SMAD7: variants seen among roughly 807,000 people sequenced by gnomAD.
The protein encoded by SMAD7 is MAD (mothers against decapentaplegic, Drosophila) homolog 7.
In SMAD7, 8 loss-of-function variants were observed where a neutral mutation model predicts 38.7. The ratio of observed to expected loss-of-function variants is 0.21; its 90% CI spans 0.12 to 0.37. The LOEUF (loss-of-function observed/expected upper bound fraction) is 0.37. SMAD7 is among the 10% of genes least tolerant of loss of function. SMAD7 has a pLI of 1.00. For missense variants in SMAD7, 477 were observed against 577.9 expected, an observed-to-expected ratio of 0.83 and a Z score of 1.79; for synonymous variants, 327 against 265.1, an observed-to-expected ratio of 1.23 and a Z score of -2.27.
intron 3 of SMAD7, among the ~76,000 whole-genome samples, chr18:48,922,864 TAC>T (rs1380607657): frequency 1.3e-5 from 2 of 152,120 alleles, no homozygotes; most frequent in African/African-American, 2.4e-5. Context: ...CCCGCTTCCC[TAC>T]ACAGTCTTCC....
intron 2 of SMAD7, among the ~76,000 whole-genome samples, chr18:48,945,645 G>A (rs868542344): frequency 1.3e-5 from 2 of 152,154 alleles, no homozygotes; most frequent in Admixed American, 1.3e-4. Context: ...AGAGAGAAAC[G>A]CAGTGCCAGA....
intron 3 of SMAD7, among the ~76,000 whole-genome samples, chr18:48,929,569 T>TCACACACACACA (rs1555716118): frequency 1.7e-3 from 195 of 114,616 alleles, no homozygotes; most frequent in Non-Finnish European, 2.5e-3. Flanking sequence ...TCTCTCTCTC[T>TCACACACACACA]CACTCACACA....
At chr18:48,945,030 T>G (rs973226783) in intron 2 of SMAD7, among the ~76,000 whole-genome samples, 6 of 152,166 alleles carry the variant, frequency 3.9e-5, no homozygotes, top group Non-Finnish European at 7.4e-5. Flanking sequence ...CCCACGATAG[T>G]CTCAGCAACT....
At chr18:48,922,736 C>T (rs935781574) in intron 3 of SMAD7, among the ~76,000 whole-genome samples, 6 of 152,054 alleles carry the variant, frequency 3.9e-5, no homozygotes, top group African/African-American at 1.2e-4. Context: ...CCCCTTCTCC[C>T]CTTCTCTGCC....
At chr18:48,942,413 A>G in intron 3 of SMAD7, 68 bp downstream of exon 3, 1 of 1,121,702 alleles carries the variant, frequency 8.9e-7, no homozygotes, top group Non-Finnish European at 1.3e-6. Context: ...GGCCACCCCC[A>G]TTCCTCCAGT....
Position 48,920,072 on chromosome 18 carries a change from G to A in SMAD7, c.*1300C>T, listed in dbSNP as rs780905443. 2.0e-5 allele frequency: 3 copies of A among 151,948 alleles called. No individual in the cohort carries two copies. The highest frequency in any genetic ancestry group is 4.8e-5 in the African/African-American group (2 of 41,244). 9.4% of individuals were successfully genotyped at this position (151,948 alleles called of 1,614,324 possible). On this transcript the variant is annotated 3_prime_UTR_variant, in exon 4 of 4. Transcript: ENST00000262158. ...ACATAAATAATGATGCTTATAAAAC[G>A]TCTTTATATTTACAAGTAATAATAT... is the stretch of plus-strand genomic sequence containing the variant.
At chr18:48,942,685 T>C (rs746218651) in intron 2 of SMAD7, 130 bp from the exon 3 acceptor site, 1 of 1,554,812 alleles carries the variant, frequency 6.4e-7, no homozygotes, top group South Asian at 1.2e-5. Context: ...GCGGCCTTGA[T>C]GCTGATTATT....
In SMAD7 at chr18:48,950,405, G is replaced by A; in HGVS notation, c.20C>T (p.Ser7Phe). The change falls in exon 1 of 4, where the codon TCT becomes TTT. Residue 7 changes from serine (S) to phenylalanine (F), a missense_variant. By Grantham distance (155) the Ser-to-Phe change is radical. Transcript: ENST00000262158. ...CCTCCAGAGACGCCGGACGAGCGCA[G>A]ATCGTTTGGTCCTGAACATGCGGGG... is the stretch of plus-strand genomic sequence containing the variant. MFRTKRSALVRRLWRSR... is the reference protein window; with the variant it reads MFRTKRFALVRRLWRSR... The A allele has an allele frequency of 6.4e-7, 1 of 1,552,288 alleles. No homozygotes were observed. The highest frequency in any genetic ancestry group is 2.5e-5 in the East Asian group (1 of 39,468).
intron 3 of SMAD7, among the ~76,000 whole-genome samples, chr18:48,927,276 T>TGG (rs1342513550): frequency 6.6e-6 from 1 of 151,646 alleles, no homozygotes; most frequent in Non-Finnish European, 1.5e-5. Context: ...AGACGATGAA[T>TGG]CCTGGCTGGT....
intron 2 of SMAD7, among the ~76,000 whole-genome samples, chr18:48,946,385 C>T (rs1268350591): frequency 6.6e-6 from 1 of 151,732 alleles, no homozygotes; most frequent in African/African-American, 2.4e-5. Context: ...TCAATGCCCC[C>T]GGCCACAGCA....
intron 3 of SMAD7, among the ~76,000 whole-genome samples, chr18:48,924,278 G>A (rs1409843189): frequency 6.6e-6 from 1 of 152,166 alleles, no homozygotes; most frequent in South Asian, 2.1e-4. Context: ...CATGCAGCCA[G>A]GACCCACTGA....
Position 48,923,903 on chromosome 18 carries a change from C to T in SMAD7, c.743-1993G>A, listed in dbSNP as rs115189714. On this transcript the variant is annotated intron_variant, in intron 3 of 3. Coordinates refer to ENST00000262158, the MANE Select transcript of SMAD7 (RefSeq NM_005904.4). ...GACAGGGAGAAGGTGACTCATCAGG[C>T]ATTCACTTGTTTCTGCAAAGTATCC... 6.9e-3 allele frequency among the ~76,000 whole-genome samples: 1,057 copies of T among 152,318 alleles called. 10 individuals are homozygous for T. The highest frequency in any genetic ancestry group is 0.024 in the African/African-American group (1,002 of 41,554).
In SMAD7 at chr18:48,950,403, C is replaced by A; in HGVS notation, c.22G>T (p.Ala8Ser). 1 of 1,551,308 alleles carries A rather than the reference C, an allele frequency of 6.4e-7. No individual in the cohort carries two copies. Among genetic ancestry groups the A allele is most frequent in the Non-Finnish European group, 8.7e-7 (1 of 1,150,266 alleles). ...CTCCTCCAGAGACGCCGGACGAGCG[C>A]AGATCGTTTGGTCCTGAACATGCGG... The part of the protein sequence containing the change: MFRTKRS[A>S]LVRRLWRSRA... Residue 8 changes from alanine to serine, a missense_variant, in exon 1 of 4, where the codon GCG (alanine) becomes TCG (serine). Physicochemically the swap from Ala to Ser is moderately conservative, Grantham distance 99. This residue lies in a region of SMAD7 where 376 missense variants were observed against 379.4 expected (regional missense o/e 0.99). Transcript: ENST00000262158.
At chr18:48,931,855 C>G (rs370207922) in intron 3 of SMAD7, among the ~76,000 whole-genome samples, 2 of 152,212 alleles carry the variant, frequency 1.3e-5, no homozygotes, top group Non-Finnish European at 2.9e-5. Flanking sequence ...ATGCTGGCCC[C>G]GACATTGTAA....
chr18:48,947,902 C>CCT (rs1555718388), intron 2 of SMAD7, among the ~76,000 whole-genome samples: 12 of 150,646 alleles, frequency 8.0e-5, no homozygotes, highest in African/African-American at 2.9e-4. Context: ...ACCCCCCCCC[C>CCT]CCTTTTACTG....
At chr18:48,939,566 A>AC (rs1462533522) in intron 3 of SMAD7, among the ~76,000 whole-genome samples, 2 of 127,716 alleles carry the variant, frequency 1.6e-5, no homozygotes, top group Admixed American at 1.6e-4. Flanking sequence ...AGCACACCCC[A>AC]CCCCCACCTC....
chr18:48,925,839 C>T (rs543153079), intron 3 of SMAD7, among the ~76,000 whole-genome samples: 35 of 152,080 alleles, frequency 2.3e-4, no homozygotes, highest in Non-Finnish European at 4.1e-4. Flanking sequence ...CTCCGCCTCC[C>T]GGGTTCACGC....
rs897870694 is a variant in SMAD7 at position 48,942,145 on chromosome 18, C to A, written c.742+336G>T. Among the ~76,000 whole-genome samples, 21 of 152,300 alleles carry A rather than the reference C, an allele frequency of 1.4e-4. 1 individual carries two copies. Among genetic ancestry groups the A allele is most frequent in the African/African-American group, 5.1e-4 (21 of 41,546 alleles). On this transcript the variant is annotated intron_variant, in intron 3 of 3. Coordinates refer to ENST00000262158, the MANE Select transcript of SMAD7 (RefSeq NM_005904.4). The stretch of plus-strand genomic sequence containing the variant: ...CAAAAGCAAAAAAAGAGCTCAAATG[C>A]ATGAGTTAATGACACCAAAGTCACC...
chr18:48,932,921 C>A lies in SMAD7; in HGVS notation c.742+9560G>T, dbSNP rs563558429. Among the ~76,000 whole-genome samples the A allele has an allele frequency of 2.0e-4, 30 of 152,320 alleles. No individual in the cohort carries two copies. In the South Asian group the frequency reaches 6.2e-3, roughly 32 times the overall value. ...CCTCTGGCTGTCAAGACATTAGATA[C>A]TGTCTTTCCAGATGTTTCCCCACCC... On this transcript the variant is annotated intron_variant, in intron 3 of 3. Coordinates refer to ENST00000262158, the MANE Select transcript of SMAD7 (RefSeq NM_005904.4).
Sources: gnomAD v4.1 joint callset for allele counts (sites outside exome capture counted in the v4.1 genomes callset) on GRCh38, gnomAD v4.1.1 for gene constraint, gnomAD v4.1.1 regional missense constraint, MANE v1.5 for transcripts, NCBI Gene and HGNC (gene_info 2026-07-23, HGNC 2026-07-21) for gene names.